Variants in BTBD9 observed in about 807,000 individuals in gnomAD.
The protein encoded by BTBD9 is BTB domain containing 9.
In BTBD9, 49 loss-of-function variants were observed where a neutral mutation model predicts 64.3. The ratio of observed to expected loss-of-function variants is 0.76; its 90% CI spans 0.61 to 0.97. The LOEUF (loss-of-function observed/expected upper bound fraction) is 0.97, where lower values mean the gene tolerates loss of function less well. Among genes scored for constraint, BTBD9 ranks in the 50% least tolerant of loss-of-function variants. The pLI, the probability that BTBD9 is intolerant of heterozygous loss-of-function variation, is 0.00. For missense variants in BTBD9, 598 were observed against 762.1 expected, an observed-to-expected ratio of 0.78 and a Z score of 2.53; for synonymous variants, 260 against 274.7, an observed-to-expected ratio of 0.95 and a Z score of 0.53.
intron 7 of BTBD9, among the ~76,000 whole-genome samples, chr6:38,314,023 G>T (rs1762945182): frequency 6.6e-6 from 1 of 151,880 alleles, no homozygotes; most frequent in South Asian, 2.1e-4. Context: ...TTATAGGTGT[G>T]AGCCACTGTG....
At chr6:38,494,419 C>T (rs1049908666) in intron 6 of BTBD9, among the ~76,000 whole-genome samples, 2 of 152,134 alleles carry the variant, frequency 1.3e-5, no homozygotes, top group African/African-American at 2.4e-5. Context: ...CTAATGTGGA[C>T]ACAGACAACT....
At chr6:38,581,749 T>C (rs1193038225) in intron 4 of BTBD9, among the ~76,000 whole-genome samples, 1 of 152,008 alleles carries the variant, frequency 6.6e-6, no homozygotes, top group Non-Finnish European at 1.5e-5. Flanking sequence ...CATTTCTCAA[T>C]GGGGTGGGGG....
At chr6:38,362,870 T>C (rs1157698771) in intron 6 of BTBD9, among the ~76,000 whole-genome samples, 3 of 152,056 alleles carry the variant, frequency 2.0e-5, no homozygotes, top group African/African-American at 7.2e-5. Context: ...ACCAAAGAGA[T>C]AAAAATTCCT....
intron 7 of BTBD9, among the ~76,000 whole-genome samples, chr6:38,315,329 T>A (rs918079159): frequency 6.6e-6 from 1 of 152,206 alleles, no homozygotes; most frequent in Non-Finnish European, 1.5e-5. Flanking sequence ...AACTTTAGAT[T>A]TGGTTTGCTC....
intron 9 of BTBD9, among the ~76,000 whole-genome samples, chr6:38,234,586 T>A (rs1382176409): frequency 6.6e-6 from 1 of 152,244 alleles, no homozygotes; most frequent in African/African-American, 2.4e-5. Flanking sequence ...ATAACTATTA[T>A]ATACTTTTAC....
At chr6:38,202,736 T>C (rs1762509069) in intron 9 of BTBD9, among the ~76,000 whole-genome samples, 1 of 152,086 alleles carries the variant, frequency 6.6e-6, no homozygotes. Context: ...CTATCTCTCA[T>C]CATATACAAA....
intron 6 of BTBD9, among the ~76,000 whole-genome samples, chr6:38,523,551 TCTACACAC>T (rs1773357962): frequency 6.6e-6 from 1 of 152,134 alleles, no homozygotes; most frequent in African/African-American, 2.4e-5. Flanking sequence ...CTCAGTGCCC[TCTACACAC>T]CTTGTAGTCT....
At chr6:38,630,532 A>C (rs1260655252) in intron 1 of BTBD9, among the ~76,000 whole-genome samples, 1 of 152,218 alleles carries the variant, frequency 6.6e-6, no homozygotes, top group Non-Finnish European at 1.5e-5. Flanking sequence ...GAGAAGGATA[A>C]AACAAATGTG....
At chr6:38,518,079 G>A (rs535168783) in intron 6 of BTBD9, among the ~76,000 whole-genome samples, 1 of 152,228 alleles carries the variant, frequency 6.6e-6, no homozygotes, top group Admixed American at 6.5e-5. Flanking sequence ...AAACCTAAAA[G>A]ACCAGGGCCA....
chr6:38,478,477 T>C (rs1293789267), intron 6 of BTBD9, among the ~76,000 whole-genome samples: 1 of 152,150 alleles, frequency 6.6e-6, no homozygotes, highest in African/African-American at 2.4e-5. Flanking sequence ...TGGCCGGCAG[T>C]GAGGATGGTG....
At chr6:38,512,206 C>CA (rs1772807245) in intron 6 of BTBD9, among the ~76,000 whole-genome samples, 1 of 152,066 alleles carries the variant, frequency 6.6e-6, no homozygotes, top group African/African-American at 2.4e-5. Flanking sequence ...CTCCCGATCT[C>CA]AGGTGATCTG....
At chr6:38,287,383 G>A (rs542857965) in intron 8 of BTBD9, among the ~76,000 whole-genome samples, 79 of 151,690 alleles carry the variant, frequency 5.2e-4, no homozygotes, top group Non-Finnish European at 1.0e-3. Flanking sequence ...GCTTTCAAGC[G>A]ATCCGCCCAC....
chr6:38,601,336 C>G lies in BTBD9; in HGVS notation c.-27-3215G>C, dbSNP rs79399201. On this transcript the variant is annotated intron_variant, in intron 1 of 10. Coordinates refer to ENST00000481247, the MANE Select transcript of BTBD9 (RefSeq NM_001099272.2). ...CAAAGTTACCAATGGCACAGCTTTA[C>G]GCAGAAAATGAGTATTGTTTCACCA... is the stretch of plus-strand genomic sequence containing the variant. 9.5e-3 allele frequency among the ~76,000 whole-genome samples: 1,446 copies of G among 152,254 alleles called. 19 individuals carry two copies. The highest frequency in any genetic ancestry group is 0.03 in the African/African-American group (1,230 of 41,544).
At chr6:38,394,861 A>G (rs1302927496) in intron 6 of BTBD9, among the ~76,000 whole-genome samples, 4 of 152,192 alleles carry the variant, frequency 2.6e-5, no homozygotes, top group African/African-American at 9.7e-5. Context: ...AATCCTATTC[A>G]TAACTTCAGA....
rs76334831 is a variant in BTBD9 at position 38,356,710 on chromosome 6, A to C, written c.1155-11617T>G. 1.5e-3 allele frequency among the ~76,000 whole-genome samples: 226 copies of C among 152,330 alleles called. 4 individuals carry two copies. The highest frequency in any genetic ancestry group is 0.011 in the Admixed American group (171 of 15,302). ...GAAATGCAATAAAGATTCTAAGAAT[A>C]TAGTGAGGCTCATAGACTTTTAGCT... On this transcript the variant is annotated intron_variant, in intron 6 of 10. Coordinates refer to ENST00000481247, the MANE Select transcript of BTBD9 (RefSeq NM_001099272.2).
chr6:38,418,862 C>A (rs1767787916), intron 6 of BTBD9, among the ~76,000 whole-genome samples: 1 of 152,132 alleles, frequency 6.6e-6, no homozygotes, highest in Non-Finnish European at 1.5e-5. Context: ...ATAGTCCCAG[C>A]AGCTATTTGG....
intron 6 of BTBD9, among the ~76,000 whole-genome samples, chr6:38,347,199 C>G (rs1035836363): frequency 3.3e-5 from 5 of 152,120 alleles, no homozygotes; most frequent in Admixed American, 1.3e-4. Flanking sequence ...TCCTTTGCCC[C>G]GCAGTTATAA....
At chr6:38,181,211 A>G (rs1761538810) in intron 10 of BTBD9, among the ~76,000 whole-genome samples, 1 of 152,240 alleles carries the variant, frequency 6.6e-6, no homozygotes, top group Non-Finnish European at 1.5e-5. Context: ...AATTGGGGAA[A>G]TTTAATAAAT....
At chr6:38,537,473 C>T (rs2127434796) in intron 6 of BTBD9, among the ~76,000 whole-genome samples, 1 of 152,308 alleles carries the variant, frequency 6.6e-6, no homozygotes, top group South Asian at 2.1e-4. Context: ...GGGCAGGAAA[C>T]AATTCTATCA....
Sources: allele counts gnomAD v4.1 joint callset (sites outside exome capture counted in the v4.1 genomes callset), GRCh38; gene constraint gnomAD v4.1.1; transcripts MANE v1.5; gene names NCBI Gene and HGNC (gene_info 2026-07-23, HGNC 2026-07-21).